KCNK3: variants seen among roughly 807,000 people sequenced by gnomAD.
KCNK3 encodes potassium channel subfamily K member 3.
In KCNK3, 9 loss-of-function variants were observed where a neutral mutation model predicts 27.3. That is an observed-to-expected ratio of 0.33 (90% confidence interval 0.20 to 0.57). The LOEUF (loss-of-function observed/expected upper bound fraction) is 0.57, where lower values mean the gene tolerates loss of function less well. KCNK3 is among the 20% of genes least tolerant of loss of function. The probability of loss-of-function intolerance (pLI) is 0.87; values close to 1 mark genes in which losing one functional copy is unlikely to be tolerated. For synonymous variants in KCNK3, 278 were observed against 273.8 expected (o/e 1.02, Z -0.15); for missense variants, 391 against 577.7 (o/e 0.68, Z 3.31).
At chr2:26,724,116 CT>C (rs1489393023) in intron 1 of KCNK3, among the ~76,000 whole-genome samples, 1 of 152,230 alleles carries the variant, frequency 6.6e-6, no homozygotes. Context: ...CCAGGGCCCC[CT>C]GGGAGTGGCT....
In KCNK3 at chr2:26,693,207, C is replaced by A; in HGVS notation, c.283+49C>A. 2 of 1,378,086 alleles carry A rather than the reference C, an allele frequency of 1.5e-6. No homozygotes were observed. The highest frequency in any genetic ancestry group is 1.9e-6 in the Non-Finnish European group (2 of 1,039,772). 85.4% of individuals were successfully genotyped at this position (1,378,086 alleles called of 1,614,324 possible). A position where few individuals can be genotyped will look rare whatever the true frequency, so the allele number is the denominator to read the frequency against. ...CGGGAACCCAGGGCTGGGCGCGGGG[C>A]TCCGGGAGTCGTCCGGGGCCGGCTG... On this transcript the variant is annotated intron_variant, in intron 1 of 1. Coordinates refer to ENST00000302909, the MANE Select transcript of KCNK3 (RefSeq NM_002246.3). This position sits in a 1 kb window ranked among gnomAD's most constrained non-coding sequence, Gnocchi z 5.5.
In KCNK3 at chr2:26,693,659, G is replaced by A. The variant is rs1670199761; in HGVS notation, c.283+501G>A. ...GCACTTGGGGCCACCCTATAACGGC[G>A]GCTGTGAGTGTACGTGTGTCTGCGT... On this transcript the variant is annotated intron_variant, in intron 1 of 1. Coordinates refer to ENST00000302909, the MANE Select transcript of KCNK3 (RefSeq NM_002246.3). The surrounding 1 kb of genome is among the most constrained non-coding windows in gnomAD (Gnocchi z 5.5). 6.6e-6 allele frequency among the ~76,000 whole-genome samples: 1 copy of A among 152,188 alleles called. No individual in the cohort carries two copies. The highest frequency in any genetic ancestry group is 2.4e-5 in the African/African-American group (1 of 41,440).
chr2:26,727,926 C>T lies in KCNK3; in HGVS notation c.543C>T (p.Tyr181=), dbSNP rs1663454414. ...TCGGCGCCGCCGCCTTCTCCCACTA[C>T]GAGCACTGGACCTTCTTCCAGGCCT... ...LCIGAAAFSH[Y]EHWTFFQAYY... is the part of the protein sequence containing the mutation. Residue 181 remains tyrosine, a synonymous_variant, in exon 2 of 2, where the codon TAC becomes TAT. Transcript: ENST00000302909. 2 of 1,614,242 alleles carry T rather than the reference C, an allele frequency of 1.2e-6. No individual in the cohort carries two copies. The highest frequency in any genetic ancestry group is 1.7e-6 in the Non-Finnish European group (2 of 1,180,036).
intron 1 of KCNK3, among the ~76,000 whole-genome samples, chr2:26,723,221 A>G (rs1663355578): frequency 6.6e-6 from 1 of 152,198 alleles, no homozygotes; most frequent in Admixed American, 6.5e-5. Context: ...AGCCACAGGG[A>G]GAGAAAGACC....
At chr2:26,714,225 AAG>A (rs1233221694) in intron 1 of KCNK3, among the ~76,000 whole-genome samples, 1 of 151,988 alleles carries the variant, frequency 6.6e-6, no homozygotes, top group Non-Finnish European at 1.5e-5. Context: ...GCCACCTAGC[AAG>A]AGATGGGCTC....
chr2:26,700,266 T>C (rs1670291226), intron 1 of KCNK3, among the ~76,000 whole-genome samples: 1 of 152,242 alleles, frequency 6.6e-6, no homozygotes, highest in African/African-American at 2.4e-5. Flanking sequence ...CAAATGTCTT[T>C]CGTGGCAGCA....
Position 26,698,459 on chromosome 2 carries a change from GATA to G in KCNK3, c.283+5308_283+5310del, listed in dbSNP as rs201299608. Among the ~76,000 whole-genome samples the G allele has an allele frequency of 4.4e-3, 677 of 152,306 alleles. 7 individuals are homozygous for G. The highest frequency in any genetic ancestry group is 0.016 in the African/African-American group (648 of 41,560). On this transcript the variant is annotated intron_variant, in intron 1 of 1. Transcript: ENST00000302909. Reference sequence around the variant, plus strand: ...CTTGTTTTGTCATTTACAAAGTGGGGATAATAATATCTGCCTGCCAGGATTAAA... The same window carrying G: ...CTTGTTTTGTCATTTACAAAGTGGGGATAATATCTGCCTGCCAGGATTAAA...
intron 1 of KCNK3, among the ~76,000 whole-genome samples, chr2:26,697,764 CCTT>C (rs780894091): frequency 5.3e-4 from 81 of 152,172 alleles, no homozygotes; most frequent in Admixed American, 9.8e-4. Flanking sequence ...GGGCAGAAAA[CCTT>C]CTGTTCCGCT....
intron 1 of KCNK3, among the ~76,000 whole-genome samples, chr2:26,715,160 C>G (rs1014153443): frequency 1.3e-5 from 2 of 152,264 alleles, no homozygotes; most frequent in Non-Finnish European, 2.9e-5. Context: ...CAGACATTCA[C>G]TAGCTGTGTG....
chr2:26,703,031 G>T (rs567402563), intron 1 of KCNK3, among the ~76,000 whole-genome samples: 1 of 152,256 alleles, frequency 6.6e-6, no homozygotes, highest in East Asian at 1.9e-4. Flanking sequence ...CAGGAGAATT[G>T]CTTGAACCTG....
At chr2:26,723,652 CT>C (rs1217923004) in intron 1 of KCNK3, among the ~76,000 whole-genome samples, 1 of 152,220 alleles carries the variant, frequency 6.6e-6, no homozygotes, top group East Asian at 1.9e-4. Flanking sequence ...GCTGTGTGAC[CT>C]TGAACAGATT....
chr2:26,696,323 G>A (rs1670235043), intron 1 of KCNK3, among the ~76,000 whole-genome samples: 1 of 152,176 alleles, frequency 6.6e-6, no homozygotes. Context: ...CACCCAGCTG[G>A]TAAGCAGCAG....
At chr2:26,724,427 C>G (rs550055624) in intron 1 of KCNK3, 5 of 187,642 alleles carry the variant, frequency 2.7e-5, no homozygotes, top group African/African-American at 7.1e-5. Context: ...AATGCTGAGT[C>G]AGAAAGGCCC....
intron 1 of KCNK3, among the ~76,000 whole-genome samples, chr2:26,694,613 C>G (rs1031198761): frequency 5.9e-5 from 9 of 152,066 alleles, no homozygotes; most frequent in African/African-American, 2.2e-4. Flanking sequence ...CCAGCTGGGG[C>G]ACCTCTGGGT....
At chr2:26,725,732 C>T (rs1396648792) in intron 1 of KCNK3, among the ~76,000 whole-genome samples, 4 of 152,174 alleles carry the variant, frequency 2.6e-5, no homozygotes, top group African/African-American at 7.2e-5. Flanking sequence ...ACTGGCCCGA[C>T]GCTGTGGAGG....
intron 1 of KCNK3, among the ~76,000 whole-genome samples, chr2:26,710,052 C>T (rs866129748): frequency 3.7e-4 from 57 of 152,238 alleles, no homozygotes; most frequent in African/African-American, 1.1e-3. Context: ...TGATCCTGCA[C>T]GTCTGTCCTC....
chr2:26,706,479 G>A lies in KCNK3; in HGVS notation c.283+13321G>A, dbSNP rs574840924. On this transcript the variant is annotated intron_variant, in intron 1 of 1. Coordinates refer to ENST00000302909, the MANE Select transcript of KCNK3 (RefSeq NM_002246.3). Reference sequence around the variant, plus strand: ...TGGGGTTGGGGCCAGGCTGAGCCAGGGTGCCCCCTTCTTCAGCATGACTCT... The same window carrying A: ...TGGGGTTGGGGCCAGGCTGAGCCAGAGTGCCCCCTTCTTCAGCATGACTCT... 5.9e-5 allele frequency among the ~76,000 whole-genome samples: 9 copies of A among 152,254 alleles called. No homozygotes were observed. In the East Asian group the frequency reaches 1.6e-3, roughly 26 times the overall value.
chr2:26,727,598 G>A, intron 1 of KCNK3, 69 bp from the exon 2 acceptor site: 1 of 1,512,950 alleles, frequency 6.6e-7, no homozygotes, highest in Non-Finnish European at 8.8e-7. Flanking sequence ...AACGGGGAGG[G>A]AGAAGAAGGT....
chr2:26,707,463 G>T (rs112890731), intron 1 of KCNK3, among the ~76,000 whole-genome samples: 1 of 152,228 alleles, frequency 6.6e-6, no homozygotes, highest in Non-Finnish European at 1.5e-5. Context: ...CCAGGGTACC[G>T]GGAGCTGTGT....
Sources: allele counts gnomAD v4.1 joint callset (sites outside exome capture counted in the v4.1 genomes callset), GRCh38; gene constraint gnomAD v4.1.1; non-coding constraint Gnocchi (gnomAD v3.1); transcripts MANE v1.5; gene names NCBI Gene and HGNC (gene_info 2026-07-23, HGNC 2026-07-21).